SLC12A7: variants seen among roughly 807,000 people sequenced by gnomAD.
The protein encoded by SLC12A7 is K-Cl cotransporter 4.
Under a neutral mutation model 120.6 loss-of-function variants are expected in SLC12A7, and 100 were observed. The observed-to-expected ratio is 0.83, with a 90% CI of 0.71 to 0.98. The LOEUF is 0.98. SLC12A7 is among the 50% of genes least tolerant of loss of function. SLC12A7 has a pLI of 0.00. For missense variants in SLC12A7, 1,373 were observed against 1,548.1 expected (o/e 0.89, Z 1.90); for synonymous variants, 760 against 678.0 (o/e 1.12, Z -1.88).
At chr5:1,081,073 GAGAC>G (rs1167138498) in intron 9 of SLC12A7, among the ~76,000 whole-genome samples, 255 of 28,378 alleles carry the variant, frequency 9.0e-3, no homozygotes, top group Admixed American at 0.019. Flanking sequence ...GAGAGAGAGA[GAGAC>G]AGACAGAGAG....
intron 1 of SLC12A7, among the ~76,000 whole-genome samples, 194 bp from the exon 2 acceptor site, chr5:1,094,442 G>A (rs753866106): frequency 1.3e-5 from 2 of 152,168 alleles, no homozygotes; most frequent in South Asian, 4.1e-4. Flanking sequence ...GCATTTCCCA[G>A]GGTGCACGCT....
At position 1,110,935 on chromosome 5, in the gene SLC12A7, G is replaced by A. The variant is rs534318387; in HGVS notation, c.124+933C>T. Among the ~76,000 whole-genome samples the A allele has an allele frequency of 8.5e-5, 13 of 152,344 alleles. No individual in the cohort carries two copies. The South Asian group carries it at 1.5e-3, about 17-fold the overall frequency. ...AGGGGATGTCTGGCCTTTCCTGCCCGGGATGGTGGGTTAGGAAGGATCTGG... is the reference window on the plus strand; with the variant it reads ...AGGGGATGTCTGGCCTTTCCTGCCCAGGATGGTGGGTTAGGAAGGATCTGG... On this transcript the variant is annotated intron_variant, in intron 1 of 23. Coordinates refer to ENST00000264930, the MANE Select transcript of SLC12A7 (RefSeq NM_006598.3).
At chr5:1,125,897 C>T in the SLC12A7 span, among the ~76,000 whole-genome samples, 1 of 144,596 alleles carries the variant, frequency 6.9e-6, no homozygotes, top group Non-Finnish European at 1.5e-5. Context: ...TGCACTCTAG[C>T]CTGACAACAG....
At chr5:1,107,034 G>A (rs368189624) in intron 1 of SLC12A7, among the ~76,000 whole-genome samples, 2 of 152,186 alleles carry the variant, frequency 1.3e-5, no homozygotes, top group African/African-American at 4.8e-5. Flanking sequence ...GTCACTAAGC[G>A]TGAGCCGTGA....
chr5:1,152,760 T>C, the SLC12A7 span, among the ~76,000 whole-genome samples: 3 of 152,070 alleles, frequency 2.0e-5, no homozygotes, highest in African/African-American at 7.2e-5. Context: ...TCGGTGTGGA[T>C]TCCTGCATTG....
At chr5:1,155,650 G>A in the SLC12A7 span, among the ~76,000 whole-genome samples, 26 of 151,346 alleles carry the variant, frequency 1.7e-4, no homozygotes, top group African/African-American at 4.3e-4. Context: ...CCCCTCGAGG[G>A]GACCGGCACC....
At chr5:1,113,628 A>G (rs527770757), upstream of SLC12A7, among the ~76,000 whole-genome samples, 6 of 152,266 alleles carry the variant, frequency 3.9e-5, no homozygotes, top group South Asian at 1.2e-3. Context: ...AGGGCTGTGG[A>G]TGGTGCTAGG....
chr5:1,126,682 T>C, the SLC12A7 span, among the ~76,000 whole-genome samples: 1 of 152,228 alleles, frequency 6.6e-6, no homozygotes, highest in African/African-American at 2.4e-5. Flanking sequence ...TGTTTCCCTC[T>C]ATGTGTCCAT....
At chr5:1,128,212 C>T in the SLC12A7 span, among the ~76,000 whole-genome samples, 15 of 152,184 alleles carry the variant, frequency 9.9e-5, no homozygotes, top group Admixed American at 5.9e-4. Flanking sequence ...CTCAACCTGG[C>T]GGGAAGTCCG....
rs56368594 is a variant in SLC12A7, at chr5:1,050,876, G to A, written c.*1484C>T. The A allele has an allele frequency of 0.012, 4,823 of 398,638 alleles. 44 individuals are homozygous for A. Among genetic ancestry groups the A allele is most frequent in the Non-Finnish European group, 0.015 (3,330 of 226,072 alleles). 24.7% of individuals were successfully genotyped at this position (398,638 alleles called of 1,614,324 possible). The stretch of plus-strand genomic sequence containing the variant: ...CTAGTCTGGCTCCTCAGAAACATCT[G>A]GGGGCACAAGTGCAGCCTCTGCCCC... On this transcript the variant is annotated 3_prime_UTR_variant, in exon 24 of 24. Transcript: ENST00000264930.
At chr5:1,103,842 CT>C (rs1742247577) in intron 1 of SLC12A7, among the ~76,000 whole-genome samples, 1 of 152,268 alleles carries the variant, frequency 6.6e-6, no homozygotes, top group Admixed American at 6.5e-5. Context: ...TTCCCGAACC[CT>C]CTGTCACGTG....
chr5:1,053,633 C>T (rs1319385592), intron 22 of SLC12A7, 151 bp from the exon 23 acceptor site: 5 of 1,094,622 alleles, frequency 4.6e-6, no homozygotes, highest in Non-Finnish European at 6.3e-6. Flanking sequence ...CTGAAGGATG[C>T]AGAAGTGGCG....
chr5:1,110,517 T>TC (rs1554024687), intron 1 of SLC12A7, among the ~76,000 whole-genome samples: 1 of 152,190 alleles, frequency 6.6e-6, no homozygotes, highest in Non-Finnish European at 1.5e-5. Flanking sequence ...AAATGACACT[T>TC]ACAGTCTAAA....
chr5:1,084,877 G>A lies in SLC12A7; in HGVS notation c.917+355C>T, dbSNP rs1403622188. Among the ~76,000 whole-genome samples, 4 of 152,140 alleles carry A rather than the reference G, an allele frequency of 2.6e-5. No individual in the cohort carries two copies. The East Asian group carries it at 5.8e-4, about 22-fold the overall frequency. Reference sequence around the variant, plus strand: ...AGCCCCTCCAAGCACCTCTGGGAGGGAGAAGACACCCAGGCCCCAGCAGCA... The same window carrying A: ...AGCCCCTCCAAGCACCTCTGGGAGGAAGAAGACACCCAGGCCCCAGCAGCA... On this transcript the variant is annotated intron_variant, in intron 7 of 23. Transcript: ENST00000264930.
Position 1,074,397 on chromosome 5 carries a change from G to A in SLC12A7, c.2072+170C>T, listed in dbSNP as rs141113075. ...CCCACCCTGCAGCAGGGACACCCCC[G>A]GCCCCCAGCTGCGCCATCCGCTCTG... On this transcript the variant is annotated intron_variant, in intron 16 of 23. Transcript: ENST00000264930. 1.1e-3 allele frequency among the ~76,000 whole-genome samples: 167 copies of A among 152,256 alleles called. 1 individual carries two copies. The Middle Eastern group carries it at 0.027, about 25-fold the overall frequency.
At chr5:1,099,627 G>A (rs1254130020) in intron 1 of SLC12A7, among the ~76,000 whole-genome samples, 1 of 152,184 alleles carries the variant, frequency 6.6e-6, no homozygotes, top group Non-Finnish European at 1.5e-5. Context: ...ACCCGTTTCT[G>A]ACTTATCTCC....
rs1736572338 is a variant in SLC12A7, at chr5:1,063,683, T to G, written c.2739+161A>C. ...CCTCACGAGGCCACAGCCCTCCCGA[T>G]CTCCACTTCCCCCTCCACCCCCACC... On this transcript the variant is annotated intron_variant, in intron 20 of 23. Coordinates refer to ENST00000264930, the MANE Select transcript of SLC12A7 (RefSeq NM_006598.3). 9.2e-4 allele frequency among the ~76,000 whole-genome samples: 16 copies of G among 17,424 alleles called. 1 individual carries two copies. Among genetic ancestry groups the G allele is most frequent in the Non-Finnish European group, 1.8e-3 (14 of 7,988 alleles). 11.4% of individuals were successfully genotyped at this position (17,424 alleles called of 152,430 possible).
Position 1,085,492 on chromosome 5 carries a change from T to G in SLC12A7, c.676-19A>C. ...TGTACGTCTGTGGGAACAAGGCCGG[T>G]CGGGAGGCCGTCCCCGGACACAACT... On this transcript the variant is annotated intron_variant, in intron 6 of 23. Coordinates refer to ENST00000264930, the MANE Select transcript of SLC12A7 (RefSeq NM_006598.3). 6.3e-7 allele frequency: 1 copy of G among 1,577,928 alleles called. No homozygotes were observed. Among genetic ancestry groups the G allele is most frequent in the Non-Finnish European group, 8.6e-7 (1 of 1,161,936 alleles).
the SLC12A7 span, among the ~76,000 whole-genome samples, chr5:1,146,497 G>A: frequency 6.6e-6 from 1 of 152,240 alleles, no homozygotes; most frequent in South Asian, 2.1e-4. This position sits in a 1 kb window ranked among gnomAD's most constrained non-coding sequence, Gnocchi z 6.5. Flanking sequence ...GCTCCTCCCC[G>A]ACCGTCTGGA....
Sources: allele counts gnomAD v4.1 joint callset (sites outside exome capture counted in the v4.1 genomes callset), GRCh38; gene constraint gnomAD v4.1.1; non-coding constraint Gnocchi (gnomAD v3.1); transcripts MANE v1.5; gene names NCBI Gene and HGNC (gene_info 2026-07-23, HGNC 2026-07-21).